ZDHHC3: variants seen among roughly 807,000 people sequenced by gnomAD.
ZDHHC3 encodes zDHHC palmitoyltransferase 3.
In ZDHHC3, 9 loss-of-function variants were observed where a neutral mutation model predicts 30.6. The observed-to-expected ratio is 0.29, with a 90% CI of 0.18 to 0.51. The LOEUF is 0.51. Among genes scored for constraint, ZDHHC3 ranks in the 20% least tolerant of loss-of-function variants. The pLI is 0.97. For synonymous variants in ZDHHC3, 136 were observed against 140.2 expected, an observed-to-expected ratio of 0.97 and a Z score of 0.21; for missense variants, 246 against 384.2, an observed-to-expected ratio of 0.64 and a Z score of 3.01.
chr3:44,922,908 T>C lies in ZDHHC3; in HGVS notation c.*3781A>G. The C allele has an allele frequency of 1.0e-6, 1 of 985,320 alleles. No homozygotes were observed. Among genetic ancestry groups the C allele is most frequent in the South Asian group, 4.7e-5 (1 of 21,264 alleles). 61.0% of individuals were successfully genotyped at this position (985,320 alleles called of 1,614,324 possible). ...TTCTTTGATATCTAAGGGCACCTTC[T>C]AGGTGGGGCGCCTTCCCCTCTACTG... On this transcript the variant is annotated 3_prime_UTR_variant, in exon 7 of 7. Coordinates refer to ENST00000424952, the MANE Select transcript of ZDHHC3 (RefSeq NM_001135179.2).
chr3:44,969,760 C>T (rs1330824197), intron 1 of ZDHHC3: 3 of 152,210 alleles, frequency 2.0e-5, no homozygotes, highest in African/African-American at 7.2e-5. Flanking sequence ...TTTAGAATAC[C>T]GATCCTGCCC....
chr3:44,938,086 C>T, intron 3 of ZDHHC3: 1 of 244,664 alleles, frequency 4.1e-6, no homozygotes, highest in Non-Finnish European at 8.5e-6. Flanking sequence ...TGGGTTCAAG[C>T]AATTCTCCTG....
chr3:44,947,323 A>C (rs1167520597), intron 2 of ZDHHC3, among the ~76,000 whole-genome samples: 4 of 152,174 alleles, frequency 2.6e-5, no homozygotes, highest in Admixed American at 2.0e-4. Flanking sequence ...TCCAAGAAGT[A>C]AGAGAGAAGA....
chr3:44,925,745 G>A lies in ZDHHC3; in HGVS notation c.*944C>T. Reference sequence around the variant, plus strand: ...CTATCAGAAAGTGAATCCACTTTGAGGTTTATAAAATGAGAAGGGGATGAT... The same window carrying A: ...CTATCAGAAAGTGAATCCACTTTGAAGTTTATAAAATGAGAAGGGGATGAT... On this transcript the variant is annotated 3_prime_UTR_variant, in exon 7 of 7. Transcript: ENST00000424952. 1 of 985,728 alleles carries A rather than the reference G, an allele frequency of 1.0e-6. No homozygotes were observed. Among genetic ancestry groups the A allele is most frequent in the Non-Finnish European group, 1.2e-6 (1 of 829,946 alleles). The allele number at this position is 985,728 out of a possible 1,614,324, so 61.1% of individuals were successfully genotyped here.
At chr3:44,946,270 G>A (rs1702924356) in intron 2 of ZDHHC3, among the ~76,000 whole-genome samples, 1 of 152,232 alleles carries the variant, frequency 6.6e-6, no homozygotes, top group South Asian at 2.1e-4. Flanking sequence ...TCCACCTGTG[G>A]AGTATGCTTG....
chr3:44,975,747 GTCTCTC>G (rs144383795), intron 1 of ZDHHC3, among the ~76,000 whole-genome samples, 180 bp downstream of exon 1: 2,734 of 134,668 alleles, frequency 0.02, 118 homozygotes, highest in African/African-American at 0.071. Context: ...CTTAGTCGGG[GTCTCTC>G]TCTCTCTCTC....
At chr3:44,928,332 C>T (rs1011194144) in intron 6 of ZDHHC3, among the ~76,000 whole-genome samples, 1 of 152,128 alleles carries the variant, frequency 6.6e-6, no homozygotes, top group Non-Finnish European at 1.5e-5. Context: ...TGCACGTCCT[C>T]CTCTAAGCCC....
In ZDHHC3 at chr3:44,920,356, T is replaced by C; in HGVS notation, c.*6333A>G. The C allele has an allele frequency of 7.8e-7, 1 of 1,289,732 alleles. No individual in the cohort carries two copies. The highest frequency in any genetic ancestry group is 1.0e-6 in the Non-Finnish European group (1 of 988,800). 79.9% of individuals were successfully genotyped at this position (1,289,732 alleles called of 1,614,324 possible). On this transcript the variant is annotated 3_prime_UTR_variant, in exon 7 of 7. Transcript: ENST00000424952. ...CTGCAGCCTGTTGAGAAAGAGGCTT[T>C]AACTTCATAGCACGAGAGCTGGGAC...
intron 1 of ZDHHC3, among the ~76,000 whole-genome samples, chr3:44,972,320 G>A (rs1007285423): frequency 3.9e-5 from 6 of 152,142 alleles, no homozygotes; most frequent in East Asian, 1.9e-4. Context: ...AAAATTAGCC[G>A]GGAGTGGTGG....
chr3:44,921,314 T>C lies in ZDHHC3; in HGVS notation c.*5375A>G. The stretch of plus-strand genomic sequence containing the variant: ...TCCCTGCTCCCTGTATCATCAGATG[T>C]AGAAAGCCAGAGCCTCAGGGAGCAG... On this transcript the variant is annotated 3_prime_UTR_variant, in exon 7 of 7. Transcript: ENST00000424952. 1 of 985,382 alleles carries C rather than the reference T, an allele frequency of 1.0e-6. No individual in the cohort carries two copies. Among genetic ancestry groups the C allele is most frequent in the Non-Finnish European group, 1.2e-6 (1 of 829,922 alleles). The allele number at this position is 985,382 out of a possible 1,614,324, so 61.0% of individuals were successfully genotyped here.
At chr3:44,947,039 G>A (rs893351454) in intron 2 of ZDHHC3, among the ~76,000 whole-genome samples, 7 of 152,230 alleles carry the variant, frequency 4.6e-5, no homozygotes, top group South Asian at 2.1e-4. Flanking sequence ...ACTGAATTAC[G>A]AGGATGGAGC....
chr3:44,928,840 C>G (rs1242149238), intron 6 of ZDHHC3, among the ~76,000 whole-genome samples: 2 of 152,124 alleles, frequency 1.3e-5, no homozygotes, highest in African/African-American at 4.8e-5. Context: ...CCTGGGGGCT[C>G]AAGGCAGACC....
Position 44,918,717 on chromosome 3 carries a change from T to C in ZDHHC3, c.*7972A>G, listed in dbSNP as rs1212236426. On this transcript the variant is annotated 3_prime_UTR_variant, in exon 7 of 7. Transcript: ENST00000424952. ...AGCCGGAGGGCACACAGGACCACTG[T>C]GGGGAGGTAAGGCTGGGCTCAGGCC... The C allele has an allele frequency of 1.0e-6, 1 of 992,594 alleles. No homozygotes were observed. Among genetic ancestry groups the C allele is most frequent in the Non-Finnish European group, 1.2e-6 (1 of 833,390 alleles). The allele number at this position is 992,594 out of a possible 1,614,324, so 61.5% of individuals were successfully genotyped here.
At chr3:44,954,183 C>G (rs1009667195) in intron 2 of ZDHHC3, among the ~76,000 whole-genome samples, 1 of 151,548 alleles carries the variant, frequency 6.6e-6, no homozygotes, top group African/African-American at 2.4e-5. Flanking sequence ...GCAAGGTGTT[C>G]ACAGAGTGGG....
intron 2 of ZDHHC3, among the ~76,000 whole-genome samples, chr3:44,948,605 G>C (rs370490600): frequency 6.6e-6 from 1 of 152,336 alleles, no homozygotes; most frequent in East Asian, 1.9e-4. Context: ...CTAGAGAAAG[G>C]CATGGCCACC....
chr3:44,959,033 C>A lies in ZDHHC3; in HGVS notation c.306+98G>T. 6.9e-7 allele frequency: 1 copy of A among 1,459,512 alleles called. No individual in the cohort carries two copies. Among genetic ancestry groups the A allele is most frequent in the Non-Finnish European group, 9.4e-7 (1 of 1,067,766 alleles). 90.4% of individuals were successfully genotyped at this position (1,459,512 alleles called of 1,614,324 possible). A position where few individuals can be genotyped will look rare whatever the true frequency, so the allele number is the denominator to read the frequency against. On this transcript the variant is annotated intron_variant, in intron 2 of 6. Coordinates refer to ENST00000424952, the MANE Select transcript of ZDHHC3 (RefSeq NM_001135179.2). The surrounding 1 kb of genome is among the most constrained non-coding windows in gnomAD (Gnocchi z 4.3). ...ACCCTCCCCTGGCCCTCCTATCCTC[C>A]AAGTTCCCAAGGTCCAGGGGGAACA...
At position 44,967,824 on chromosome 3, in the gene ZDHHC3, C is replaced by T. The variant is rs543708666; in HGVS notation, c.-25+8109G>A. On this transcript the variant is annotated intron_variant, in intron 1 of 6. Coordinates refer to ENST00000424952, the MANE Select transcript of ZDHHC3 (RefSeq NM_001135179.2). ...TTTTACAAATGTGAAAATTTAAGTC[C>T]TTTTGACATTTTGTTGAAAACTTAT... is the stretch of plus-strand genomic sequence containing the variant. 1.1e-4 allele frequency among the ~76,000 whole-genome samples: 17 copies of T among 152,226 alleles called. 1 individual carries two copies. In the South Asian group the frequency reaches 3.5e-3, roughly 32 times the overall value.
Position 44,921,435 on chromosome 3 carries a change from A to G in ZDHHC3, c.*5254T>C, listed in dbSNP as rs75328171. 3.1e-3 allele frequency: 3,042 copies of G among 985,370 alleles called. 7 individuals carry two copies. Among genetic ancestry groups the G allele is most frequent in the Non-Finnish European group, 3.4e-3 (2,781 of 829,920 alleles). 61.0% of individuals were successfully genotyped at this position (985,370 alleles called of 1,614,324 possible). On this transcript the variant is annotated 3_prime_UTR_variant, in exon 7 of 7. Coordinates refer to ENST00000424952, the MANE Select transcript of ZDHHC3 (RefSeq NM_001135179.2). The stretch of plus-strand genomic sequence containing the variant: ...TATATTGTAACCCACAAGAGGAAAC[A>G]TTTTTCTGTTGCATTCCAGAACACA...
chr3:44,922,007 G>A lies in ZDHHC3; in HGVS notation c.*4682C>T, dbSNP rs1473329752. On this transcript the variant is annotated 3_prime_UTR_variant, in exon 7 of 7. Coordinates refer to ENST00000424952, the MANE Select transcript of ZDHHC3 (RefSeq NM_001135179.2). ...GCCCAACAGAGCGGGATCCCTGGGG[G>A]CCACTCTGCTTTGCTACGGCAATCA... 1 of 985,408 alleles carries A rather than the reference G, an allele frequency of 1.0e-6. No homozygotes were observed. The highest frequency in any genetic ancestry group is 1.2e-6 in the Non-Finnish European group (1 of 829,922). 61.0% of individuals were successfully genotyped at this position (985,408 alleles called of 1,614,324 possible). A position where few individuals can be genotyped will look rare whatever the true frequency, so the allele number is the denominator to read the frequency against.
Sources: gnomAD v4.1 joint callset for allele counts (sites outside exome capture counted in the v4.1 genomes callset) on GRCh38, gnomAD v4.1.1 for gene constraint, Gnocchi (gnomAD v3.1) non-coding constraint, MANE v1.5 for transcripts, NCBI Gene and HGNC (gene_info 2026-07-23, HGNC 2026-07-21) for gene names.